Variants in SLC26A1 observed in about 807,000 individuals in gnomAD.
The protein encoded by SLC26A1 is sulfate anion transporter 1.
Under a neutral mutation model 14.5 loss-of-function variants are expected in SLC26A1, and 18 were observed. The ratio of observed to expected loss-of-function variants is 1.24; its 90% CI spans 0.86 to 1.84. The LOEUF (loss-of-function observed/expected upper bound fraction) is 1.84. SLC26A1 is among the 40% of genes most tolerant of loss of function. The pLI is 0.00. For missense variants in SLC26A1, 1,049 were observed against 1,020.0 expected (o/e 1.03, Z -0.39); for synonymous variants, 505 against 492.0 (o/e 1.03, Z -0.35).
chr4:989,497 C>A lies in SLC26A1; in HGVS notation c.1442G>T (p.Cys481Phe). The change falls in exon 3 of 3, where the codon TGT becomes TTT. Residue 481 changes from cysteine to phenylalanine, a missense_variant. By Grantham distance (205) the Cys-to-Phe change is radical. Transcript: ENST00000398516. The stretch of plus-strand genomic sequence containing the variant: ...CCCGGCCTCTGTGCTGACCAGCATA[C>A]AGGTGGCCGCGGTGCCTGCCCAGAC... Reference protein sequence around the residue: ...ALVWAGTAATCMLVSTEAGLL... With the variant: ...ALVWAGTAATFMLVSTEAGLL... 6.4e-7 allele frequency: 1 copy of A among 1,553,682 alleles called. No homozygotes were observed. The highest frequency in any genetic ancestry group is 1.2e-5 in the South Asian group (1 of 84,572).
In SLC26A1 at chr4:989,211, C is replaced by T. The variant is rs1349632588; in HGVS notation, c.1728G>A (p.Gly576=). Residue 576 remains glycine (G), a synonymous_variant, in exon 3 of 3, where the codon GGG becomes GGA. Coordinates refer to ENST00000398516, the MANE Select transcript of SLC26A1 (RefSeq NM_022042.4). ...CCTCACCGACCCCCGTCTCTGAGCC[C>T]CCCTCCTTCCTCCTGGCAGCCATGC... ...AGCMAARRKE[G]GSETGVGEGG... The T allele has an allele frequency of 3.1e-6, 5 of 1,609,972 alleles. No individual in the cohort carries two copies. Among genetic ancestry groups the T allele is most frequent in the Non-Finnish European group, 3.4e-6 (4 of 1,178,080 alleles).
At position 989,091 on chromosome 4, in the gene SLC26A1, G is replaced by A. The variant is rs377435206; in HGVS notation, c.1848C>T (p.Cys616=). 186 of 1,599,856 alleles carry A rather than the reference G, an allele frequency of 1.2e-4. No homozygotes were observed. The East Asian group carries it at 1.4e-3, about 12-fold the overall frequency. The change falls in exon 3 of 3, where the codon TGC becomes TGT. Residue 616 remains cysteine, a synonymous_variant. Coordinates refer to ENST00000398516, the MANE Select transcript of SLC26A1 (RefSeq NM_022042.4). ...CTGCGTCTAGGAACAGCAGCGGGGC[G>A]CAGTCGATGACCACTGTGTGGAAGC... is the stretch of plus-strand genomic sequence containing the variant. ...AAGFHTVVID[C]APLLFLDAAG...
intron 2 of SLC26A1, among the ~76,000 whole-genome samples, chr4:980,257 C>A (rs1468926384): frequency 1.3e-5 from 2 of 152,148 alleles, no homozygotes; most frequent in Non-Finnish European, 2.9e-5. Context: ...GGTGATCTCT[C>A]CAGGATCAAG....
downstream of SLC26A1, among the ~76,000 whole-genome samples, chr4:985,962 C>G (rs1713707479): frequency 6.6e-6 from 1 of 151,968 alleles, no homozygotes. Flanking sequence ...TTTTGTCAAC[C>G]AGGCTGGAAT....
chr4:979,688 A>G (rs1374061420), intron 2 of SLC26A1, among the ~76,000 whole-genome samples: 2 of 152,158 alleles, frequency 1.3e-5, no homozygotes, highest in Admixed American at 6.5e-5. Flanking sequence ...AGCACCTTTT[A>G]CAAAACCGTG....
At chr4:985,569 T>C (rs1030854531), downstream of SLC26A1, among the ~76,000 whole-genome samples, 15 of 152,212 alleles carry the variant, frequency 9.9e-5, no homozygotes, top group Admixed American at 3.3e-4. Context: ...TTAGTTGTTT[T>C]CTCTGGGGTC....
chr4:987,531 G>A, downstream of SLC26A1: 1 of 1,008,032 alleles, frequency 9.9e-7, no homozygotes, highest in Non-Finnish European at 1.4e-6. Context: ...GACCTGGCCT[G>A]CCTGTCCCAT....
chr4:986,676 A>G (rs4690220), downstream of SLC26A1: 196,401 of 425,402 alleles, frequency 0.46, 46,225 homozygotes, highest in Admixed American at 0.56. Flanking sequence ...AAAATCGCTG[A>G]AGCCCCGGAG....
chr4:990,146 C>T lies in SLC26A1; in HGVS notation c.793G>A (p.Val265Ile). The T allele has an allele frequency of 6.4e-7, 1 of 1,566,492 alleles. No homozygotes were observed. The highest frequency in any genetic ancestry group is 8.6e-7 in the Non-Finnish European group (1 of 1,156,994). Residue 265 changes from valine to isoleucine, a missense_variant, in exon 3 of 3, where the codon GTC (valine) becomes ATC (isoleucine). Val to Ile is a conservative substitution (Grantham distance 29). Coordinates refer to ENST00000398516, the MANE Select transcript of SLC26A1 (RefSeq NM_022042.4). ...ACCGCCAGGCACACCGTGCTGGTGA[C>T]CACGTCGCACACGTTGGCCTGCCCG... Reference protein sequence around the residue: ...GAGQANVCDVVTSTVCLAVLL... With the variant: ...GAGQANVCDVITSTVCLAVLL...
At position 987,792 on chromosome 4, in the gene SLC26A1, C is replaced by T; in HGVS notation, c.*1041G>A. The T allele has an allele frequency of 1.9e-6, 3 of 1,611,964 alleles. No homozygotes were observed. The highest frequency in any genetic ancestry group is 2.5e-6 in the Non-Finnish European group (3 of 1,179,734). ...ATGCTGAGGCTCGGGACTGAGCCGC[C>T]CCTTTGTTGTCCCCAGCCCCCCGCT... is the stretch of plus-strand genomic sequence containing the variant. On this transcript the variant is annotated 3_prime_UTR_variant, in exon 3 of 3. Coordinates refer to ENST00000398516, the MANE Select transcript of SLC26A1 (RefSeq NM_022042.4).
downstream of SLC26A1, chr4:987,028 C>T: frequency 6.7e-7 from 1 of 1,501,420 alleles, no homozygotes; most frequent in Admixed American, 2.0e-5. Flanking sequence ...GACTCCGACC[C>T]GGAGGCGGAA....
chr4:990,194 A>G lies in SLC26A1; in HGVS notation c.745T>C (p.Trp249Arg). ...CCGGCGCCGCGCAGCAGGCTCAGCC[A>G]TGTGAGGACCACCATGCCGGGCCCC... The part of the protein sequence containing the change: ...HQGPGMVVLT[W>R]LSLLRGAGQA... The change falls in exon 3 of 3, where the codon TGG becomes CGG. Residue 249 changes from tryptophan to arginine, a missense_variant. Physicochemically the swap from Trp to Arg is moderately radical, Grantham distance 101. Coordinates refer to ENST00000398516, the MANE Select transcript of SLC26A1 (RefSeq NM_022042.4). 6.4e-7 allele frequency: 1 copy of G among 1,561,768 alleles called. No individual in the cohort carries two copies. The highest frequency in any genetic ancestry group is 8.7e-7 in the Non-Finnish European group (1 of 1,153,640).
intron 2 of SLC26A1, chr4:979,650 A>T (rs1383365902): frequency 9.8e-7 from 1 of 1,023,844 alleles, no homozygotes; most frequent in Non-Finnish European, 1.4e-6. Context: ...GCGGGGTGGG[A>T]GCCCTTGTGG....
rs576223950 is a variant in SLC26A1 at position 988,347 on chromosome 4, C to G, written c.*486G>C. On this transcript the variant is annotated 3_prime_UTR_variant, in exon 3 of 3. Transcript: ENST00000398516. ...GTGGCCACCCTGTGAGGGGGAGGCA[C>G]GAGGTGTGAGGGGCACTTGGGTGTG... 4.6e-6 allele frequency: 5 copies of G among 1,085,194 alleles called. No individual in the cohort carries two copies. In the East Asian group the frequency reaches 3.6e-4, roughly 78 times the overall value. The allele number at this position is 1,085,194 out of a possible 1,614,324, so 67.2% of individuals were successfully genotyped here.
Position 988,543 on chromosome 4 carries a change from G to A in SLC26A1, c.*290C>T, listed in dbSNP as rs1713934536. On this transcript the variant is annotated 3_prime_UTR_variant, in exon 3 of 3. Coordinates refer to ENST00000398516, the MANE Select transcript of SLC26A1 (RefSeq NM_022042.4). Reference sequence around the variant, plus strand: ...AATAAGATGTCAACCCTGAGCGTCAGGTCAGGCCCATCCCTCCTGAGCTGA... The same window carrying A: ...AATAAGATGTCAACCCTGAGCGTCAAGTCAGGCCCATCCCTCCTGAGCTGA... 7.9e-7 allele frequency: 1 copy of A among 1,272,070 alleles called. No homozygotes were observed. Among genetic ancestry groups the A allele is most frequent in the Non-Finnish European group, 9.9e-7 (1 of 1,008,206 alleles). The allele number at this position is 1,272,070 out of a possible 1,614,324, so 78.8% of individuals were successfully genotyped here.
downstream of SLC26A1, among the ~76,000 whole-genome samples, chr4:986,415 C>A (rs1264580435): frequency 1.3e-5 from 2 of 152,164 alleles, no homozygotes; most frequent in Admixed American, 6.5e-5. Context: ...CTACGCACAT[C>A]CTACTGTGTA....
chr4:979,115 G>T, exon 3 of SLC26A1: 1 of 255,382 alleles, frequency 3.9e-6, no homozygotes, highest in African/African-American at 2.2e-5. Context: ...GAAGACGAAA[G>T]GTAATCCTCA....
At position 990,274 on chromosome 4, in the gene SLC26A1, G is replaced by T; in HGVS notation, c.665C>A (p.Thr222Asn). The T allele has an allele frequency of 2.5e-6, 4 of 1,598,804 alleles. No homozygotes were observed. The highest frequency in any genetic ancestry group is 3.4e-6 in the Non-Finnish European group (4 of 1,174,420). Residue 222 changes from threonine to asparagine, a missense_variant, in exon 3 of 3, where the codon ACC becomes AAC. Coordinates refer to ENST00000398516, the MANE Select transcript of SLC26A1 (RefSeq NM_022042.4). ...GTGTTTGAGCTGCGAGGTCAGGATG[G>T]TCACGGAGGCCCCCATGGCAAAGCC... ...LDGFAMGASVTILTSQLKHLL... is the reference protein window; with the variant it reads ...LDGFAMGASVNILTSQLKHLL...
downstream of SLC26A1, chr4:987,534 T>G (rs1363773068): frequency 9.7e-7 from 1 of 1,030,924 alleles, no homozygotes; most frequent in Non-Finnish European, 1.4e-6. Flanking sequence ...CTGGCCTGCC[T>G]GTCCCATTCC....
Sources: allele counts gnomAD v4.1 joint callset (sites outside exome capture counted in the v4.1 genomes callset), GRCh38; gene constraint gnomAD v4.1.1; transcripts MANE v1.5; gene names NCBI Gene and HGNC (gene_info 2026-07-23, HGNC 2026-07-21).